The following MYLK variants were observed in gnomAD, a reference collection of about 807,000 sequenced individuals.
MYLK encodes myosin light chain kinase.
In MYLK, 106 loss-of-function variants were observed where a neutral mutation model predicts 203.4. The observed-to-expected ratio is 0.52, with a 90% CI of 0.45 to 0.61. MYLK has a LOEUF of 0.61. MYLK is among the 20% of genes least tolerant of loss of function. MYLK has a pLI of 0.00. For missense variants in MYLK, 2,072 were observed against 2,442.3 expected (o/e 0.85, Z 3.20); for synonymous variants, 867 against 959.5 (o/e 0.90, Z 1.78).
intron 4 of MYLK, among the ~76,000 whole-genome samples, chr3:123,758,000 T>C (rs1283717457): frequency 1.3e-5 from 2 of 151,926 alleles, no homozygotes; most frequent in African/African-American, 4.8e-5. Context: ...AATCTTCTTC[T>C]GCCCCATCTC....
intron 19 of MYLK, among the ~76,000 whole-genome samples, chr3:123,682,708 G>A (rs820366): frequency 0.86 from 131,554 of 152,224 alleles, 59,753 homozygotes; most frequent in Non-Finnish European, 1. Flanking sequence ...CAACAGGGGC[G>A]GGAGGGGACA....
At chr3:123,639,228 TGAGCA>T (rs2058746761) in intron 28 of MYLK, among the ~76,000 whole-genome samples, 2 of 152,188 alleles carry the variant, frequency 1.3e-5, no homozygotes, top group East Asian at 1.9e-4. Context: ...TTAGCAGGAG[TGAGCA>T]GAGCAGAGCA....
chr3:123,745,436 A>G (rs2062985973), intron 5 of MYLK, among the ~76,000 whole-genome samples: 1 of 152,218 alleles, frequency 6.6e-6, no homozygotes, highest in Non-Finnish European at 1.5e-5. Flanking sequence ...ATTGAAGAAA[A>G]AAGGAATGAA....
chr3:123,818,873 T>A (rs764708979), intron 3 of MYLK, among the ~76,000 whole-genome samples: 1 of 152,164 alleles, frequency 6.6e-6, no homozygotes, highest in African/African-American at 2.4e-5. Context: ...CTGATAAGCA[T>A]CTAATTAAGT....
At chr3:123,815,782 A>C (rs2065729066) in intron 3 of MYLK, among the ~76,000 whole-genome samples, 1 of 152,274 alleles carries the variant, frequency 6.6e-6, no homozygotes, top group Non-Finnish European at 1.5e-5. Flanking sequence ...ATCTCAGTTT[A>C]TGTCCTTCAA....
At position 123,649,192 on chromosome 3, in the gene MYLK, G is replaced by C. The variant is rs372664094; in HGVS notation, c.4291C>G (p.Pro1431Ala). ...LTTVGEKPEE[P>A]KDEVEVSDDD... ...TCTGACACCTCCACTTCATCCTTCG[G>C]CTCTGGGGGGGGCACAAGGAAGGAC... The change falls in exon 25 of 34, where the codon CCG becomes GCG. Residue 1431 changes from proline (P) to alanine (A), a missense_variant and splice_region_variant. Pro to Ala is a conservative substitution (Grantham distance 27). This residue lies in a region of MYLK where 524 missense variants were observed against 782.4 expected (regional missense o/e 0.67). Transcript: ENST00000360304. 1 of 1,612,112 alleles carries C rather than the reference G, an allele frequency of 6.2e-7. No homozygotes were observed. The highest frequency in any genetic ancestry group is 8.5e-7 in the Non-Finnish European group (1 of 1,179,830).
At chr3:123,746,501 A>G (rs1285800029) in intron 5 of MYLK, among the ~76,000 whole-genome samples, 1 of 152,124 alleles carries the variant, frequency 6.6e-6, no homozygotes, top group Non-Finnish European at 1.5e-5. Flanking sequence ...TGTATTTTGG[A>G]GGGAAAAAGA....
intron 2 of MYLK, among the ~76,000 whole-genome samples, chr3:123,866,746 G>A (rs2032356106): frequency 6.6e-6 from 1 of 152,096 alleles, no homozygotes. Flanking sequence ...CACCCAGACA[G>A]ACCTCAGGAC....
intron 19 of MYLK, among the ~76,000 whole-genome samples, chr3:123,687,431 T>G (rs1172017217): frequency 6.6e-6 from 1 of 152,112 alleles, no homozygotes; most frequent in Non-Finnish European, 1.5e-5. Context: ...AGCAGGTGAC[T>G]CAGTCTCTGT....
At chr3:123,647,458 C>T (rs1294719645) in intron 26 of MYLK, 31 bp from the exon 27 acceptor site, 10 of 1,605,914 alleles carry the variant, frequency 6.2e-6, no homozygotes, top group South Asian at 3.3e-5. Context: ...AGAGAAAAGC[C>T]ACATTTAGCC....
At chr3:123,741,202 A>G (rs1576808828) in intron 5 of MYLK, among the ~76,000 whole-genome samples, 1 of 152,186 alleles carries the variant, frequency 6.6e-6, no homozygotes, top group South Asian at 2.1e-4. Context: ...TCACATTTAT[A>G]TGACTGTGTA....
At chr3:123,638,216 A>G (rs974971606) in intron 28 of MYLK, 22 bp from the exon 29 acceptor site, 2 of 1,613,198 alleles carry the variant, frequency 1.2e-6, no homozygotes, top group African/African-American at 2.7e-5. Flanking sequence ...ATGGAGAGGG[A>G]TAAATTGCCA....
intron 4 of MYLK, among the ~76,000 whole-genome samples, chr3:123,764,361 G>C (rs1348359002): frequency 6.6e-6 from 1 of 152,152 alleles, no homozygotes; most frequent in Admixed American, 6.5e-5. Flanking sequence ...CCTCATGGTA[G>C]AGGGATTGAA....
intron 4 of MYLK, among the ~76,000 whole-genome samples, chr3:123,759,602 T>C (rs2063470285): frequency 6.6e-6 from 1 of 152,174 alleles, no homozygotes; most frequent in African/African-American, 2.4e-5. Flanking sequence ...CCGGTGGGGA[T>C]GCCAATTGGT....
At chr3:123,736,628 G>T (rs922548909) in intron 8 of MYLK, among the ~76,000 whole-genome samples, 1 of 152,192 alleles carries the variant, frequency 6.6e-6, no homozygotes, top group Non-Finnish European at 1.5e-5. Context: ...GGAAAGTCCA[G>T]TCTGGGTGTG....
At chr3:123,799,189 C>A (rs2109142279) in intron 3 of MYLK, among the ~76,000 whole-genome samples, 1 of 150,534 alleles carries the variant, frequency 6.6e-6, no homozygotes, top group Non-Finnish European at 1.5e-5. Context: ...CCTTACCCCT[C>A]ACCCCTCACC....
chr3:123,776,940 C>T (rs1162718679), intron 4 of MYLK, among the ~76,000 whole-genome samples: 1 of 152,170 alleles, frequency 6.6e-6, no homozygotes, highest in Non-Finnish European at 1.5e-5. Context: ...ACAAAAGAAA[C>T]CCCCAGCTTA....
intron 18 of MYLK, among the ~76,000 whole-genome samples, chr3:123,697,910 T>C (rs540228995): frequency 6.6e-6 from 1 of 152,132 alleles, no homozygotes; most frequent in South Asian, 2.1e-4. Flanking sequence ...ACGGTTTCCA[T>C]GGGAAGGGAG....
chr3:123,769,088 C>T (rs1163107679), intron 4 of MYLK, among the ~76,000 whole-genome samples: 2 of 152,124 alleles, frequency 1.3e-5, no homozygotes, highest in East Asian at 3.9e-4. Flanking sequence ...CAGGCCTGTC[C>T]CAGACAATCT....
Sources: gnomAD v4.1 joint callset for allele counts (sites outside exome capture counted in the v4.1 genomes callset) on GRCh38, gnomAD v4.1.1 for gene constraint, gnomAD v4.1.1 regional missense constraint, MANE v1.5 for transcripts, NCBI Gene and HGNC (gene_info 2026-07-23, HGNC 2026-07-21) for gene names.